DNM3: variants seen among roughly 807,000 people sequenced by gnomAD.
The protein encoded by DNM3 is dynamin-3.
Under a neutral mutation model 101.6 loss-of-function variants are expected in DNM3, and 47 were observed. The ratio of observed to expected loss-of-function variants is 0.46; its 90% CI spans 0.37 to 0.59. The LOEUF (loss-of-function observed/expected upper bound fraction) is 0.59. Among genes scored for constraint, DNM3 ranks in the 20% least tolerant of loss-of-function variants. The probability of loss-of-function intolerance (pLI) is 0.00; values close to 1 mark genes in which losing one functional copy is unlikely to be tolerated. For missense variants in DNM3, 849 were observed against 1,085.7 expected (o/e 0.78, Z 3.06); for synonymous variants, 385 against 387.9 (o/e 0.99, Z 0.09).
chr1:172,038,524 C>T, intron 7 of DNM3, 63 bp downstream of exon 7: 1 of 1,583,438 alleles, frequency 6.3e-7, no homozygotes, highest in Non-Finnish European at 8.6e-7. Context: ...TTTCTATTGC[C>T]TTAGTCTATT....
intron 14 of DNM3, among the ~76,000 whole-genome samples, chr1:172,217,782 TG>T (rs2060759142): frequency 6.6e-6 from 1 of 152,120 alleles, no homozygotes; most frequent in South Asian, 2.1e-4. Context: ...GACAAAACTT[TG>T]TAAAGAAATG....
intron 13 of DNM3, among the ~76,000 whole-genome samples, chr1:172,124,336 T>C (rs1040914424): frequency 6.6e-6 from 1 of 152,188 alleles, no homozygotes; most frequent in African/African-American, 2.4e-5. Flanking sequence ...TGCATACTCT[T>C]GGAGAAGGAC....
At chr1:171,943,180 A>G (rs1316632216) in intron 2 of DNM3, among the ~76,000 whole-genome samples, 1 of 152,222 alleles carries the variant, frequency 6.6e-6, no homozygotes, top group Non-Finnish European at 1.5e-5. Context: ...AGGTGGACAC[A>G]TGCCTGGCTT....
chr1:172,173,518 G>C (rs2059042254), intron 14 of DNM3, among the ~76,000 whole-genome samples: 2 of 147,190 alleles, frequency 1.4e-5, no homozygotes, highest in South Asian at 2.1e-4. Flanking sequence ...ACAAGGTCTT[G>C]CTATGTTGCT....
chr1:171,940,016 G>A (rs1019378259), intron 2 of DNM3, among the ~76,000 whole-genome samples: 5 of 152,216 alleles, frequency 3.3e-5, no homozygotes, highest in African/African-American at 1.2e-4. Context: ...CACTGACCAC[G>A]CAGAGAAGGA....
chr1:172,179,255 CA>C (rs2059262163), intron 14 of DNM3, among the ~76,000 whole-genome samples: 1 of 151,848 alleles, frequency 6.6e-6, no homozygotes, highest in Non-Finnish European at 1.5e-5. Context: ...GGTTGTGTTG[CA>C]AAGCTTTTCT....
chr1:171,853,838 A>T (rs1258946363), intron 1 of DNM3, among the ~76,000 whole-genome samples: 2 of 152,170 alleles, frequency 1.3e-5, no homozygotes, highest in African/African-American at 4.8e-5. Context: ...CTCTGTCCTC[A>T]GTAACCTGCA....
At chr1:172,077,577 G>C (rs934205476) in intron 11 of DNM3, among the ~76,000 whole-genome samples, 1 of 152,104 alleles carries the variant, frequency 6.6e-6, no homozygotes, top group Non-Finnish European at 1.5e-5. Flanking sequence ...TTTACTCAGT[G>C]GTCATTCAGG....
intron 2 of DNM3, among the ~76,000 whole-genome samples, chr1:171,950,354 GAT>G (rs1439413366): frequency 1.3e-5 from 2 of 152,104 alleles, no homozygotes; most frequent in Non-Finnish European, 2.9e-5. Flanking sequence ...CTGGTCTAGT[GAT>G]ATGTGGTAGG....
At chr1:172,066,677 A>G (rs1162432158) in intron 10 of DNM3, among the ~76,000 whole-genome samples, 2 of 152,214 alleles carry the variant, frequency 1.3e-5, no homozygotes, top group Non-Finnish European at 2.9e-5. Context: ...GTGCATAACC[A>G]CATTATATAT....
chr1:172,141,828 T>C (rs941727799), intron 14 of DNM3, among the ~76,000 whole-genome samples: 7 of 152,112 alleles, frequency 4.6e-5, no homozygotes, highest in Non-Finnish European at 8.8e-5. Flanking sequence ...CTTTGTCCTA[T>C]AGTAAACAGT....
At position 172,138,842 on chromosome 1, in the gene DNM3, G is replaced by A. The variant is rs1055443359; in HGVS notation, c.1659+7554G>A. The A allele has an allele frequency of 1.3e-5, 6 of 475,460 alleles. No homozygotes were observed. In the East Asian group the frequency reaches 4.1e-4, roughly 33 times the overall value. The allele number at this position is 475,460 out of a possible 1,614,324, so 29.5% of individuals were successfully genotyped here. A position where few individuals can be genotyped will look rare whatever the true frequency, so the allele number is the denominator to read the frequency against. ...CTGCCTGTCTGTGCCTGCTGTACAG[G>A]TGAGCGGATGTTCTGCACAGCAAGT... On this transcript the variant is annotated intron_variant, in intron 14 of 20. Coordinates refer to ENST00000627582, the MANE Select transcript of DNM3 (RefSeq NM_015569.5).
At chr1:171,943,352 G>A (rs1558303595) in intron 2 of DNM3, among the ~76,000 whole-genome samples, 1 of 152,110 alleles carries the variant, frequency 6.6e-6, no homozygotes, top group East Asian at 1.9e-4. Flanking sequence ...AGGACATGAT[G>A]GGGAGGGGTA....
chr1:172,182,480 C>G (rs1216657307), intron 14 of DNM3, among the ~76,000 whole-genome samples: 1 of 151,988 alleles, frequency 6.6e-6, no homozygotes, highest in African/African-American at 2.4e-5. Flanking sequence ...AATATTTCCT[C>G]AAAAACAAGA....
chr1:171,890,886 T>G (rs1345841644), intron 1 of DNM3, among the ~76,000 whole-genome samples: 4 of 152,190 alleles, frequency 2.6e-5, no homozygotes, highest in African/African-American at 4.8e-5. Flanking sequence ...ACATGGTTTC[T>G]TGAACTCCTG....
intron 2 of DNM3, 77 bp downstream of exon 2, chr1:171,921,898 C>T: frequency 2.3e-6 from 3 of 1,329,356 alleles, no homozygotes; most frequent in Non-Finnish European, 3.2e-6. Context: ...TGGGATTGTA[C>T]AAATAGAAAC....
intron 14 of DNM3, among the ~76,000 whole-genome samples, chr1:172,157,733 A>C (rs1026170461): frequency 6.6e-6 from 1 of 152,098 alleles, no homozygotes; most frequent in Non-Finnish European, 1.5e-5. Context: ...ATTACTTACA[A>C]TCTTTAAATA....
chr1:172,353,491 CAG>C (rs2067287388), intron 17 of DNM3, among the ~76,000 whole-genome samples: 1 of 152,086 alleles, frequency 6.6e-6, no homozygotes, highest in African/African-American at 2.4e-5. Flanking sequence ...AAAATATATA[CAG>C]AAGAGCCCCT....
chr1:172,401,999 G>T (rs2070524342), intron 20 of DNM3, among the ~76,000 whole-genome samples: 1 of 152,158 alleles, frequency 6.6e-6, no homozygotes, highest in South Asian at 2.1e-4. Context: ...TTACCTAGAA[G>T]TGTGCTCCAA....
Sources: allele counts gnomAD v4.1 joint callset (sites outside exome capture counted in the v4.1 genomes callset), GRCh38; gene constraint gnomAD v4.1.1; transcripts MANE v1.5; gene names NCBI Gene and HGNC (gene_info 2026-07-23, HGNC 2026-07-21).